The following PARPBP variants were observed in gnomAD, a reference collection of about 807,000 sequenced individuals.
PARPBP encodes PCNA-interacting partner.
In PARPBP, 52 loss-of-function variants were observed where a neutral mutation model predicts 50.0. That is an observed-to-expected ratio of 1.04 (90% CI 0.83 to 1.31). The LOEUF (loss-of-function observed/expected upper bound fraction) is 1.31, where lower values mean the gene tolerates loss of function less well. Among genes scored for constraint, PARPBP ranks in the 50% most tolerant of loss-of-function variants. The probability of loss-of-function intolerance (pLI) is 0.00; values close to 1 mark genes in which losing one functional copy is unlikely to be tolerated. For synonymous variants in PARPBP, 244 were observed against 232.1 expected (o/e 1.05, Z -0.47); for missense variants, 697 against 672.0 (o/e 1.04, Z -0.41).
At chr12:102,169,162 T>C (rs1052126573) in intron 6 of PARPBP, among the ~76,000 whole-genome samples, 1 of 152,180 alleles carries the variant, frequency 6.6e-6, no homozygotes, top group Non-Finnish European at 1.5e-5. Flanking sequence ...TGGTCACTTG[T>C]GATCTTCTAA....
chr12:102,180,161 A>G (rs1376677035), intron 8 of PARPBP, among the ~76,000 whole-genome samples: 2 of 152,218 alleles, frequency 1.3e-5, no homozygotes, highest in Non-Finnish European at 2.9e-5. Context: ...CAAATATTTT[A>G]TTAACGATAA....
intron 3 of PARPBP, among the ~76,000 whole-genome samples, chr12:102,149,998 C>T (rs563631445): frequency 6.6e-6 from 1 of 152,266 alleles, no homozygotes; most frequent in South Asian, 2.1e-4. Flanking sequence ...TACCTGAGGT[C>T]TTTGGGCGCA....
At chr12:102,128,315 T>A (rs777566447) in intron 2 of PARPBP, among the ~76,000 whole-genome samples, 14 of 152,202 alleles carry the variant, frequency 9.2e-5, no homozygotes, top group Middle Eastern at 3.4e-3. Flanking sequence ...CACTGCAAGC[T>A]CCCCCTCCCG....
chr12:102,134,068 C>T (rs559023869), intron 2 of PARPBP, among the ~76,000 whole-genome samples: 1 of 151,542 alleles, frequency 6.6e-6, no homozygotes, highest in East Asian at 1.9e-4. Flanking sequence ...AAAGAACACA[C>T]TAAGCCCAAA....
chr12:102,123,982 T>C lies in PARPBP; in HGVS notation c.94T>C (p.Cys32Arg). The C allele has an allele frequency of 1.3e-6, 2 of 1,534,124 alleles. No homozygotes were observed. Among genetic ancestry groups the C allele is most frequent in the Non-Finnish European group, 1.7e-6 (2 of 1,145,096 alleles). ...TTGTAACTCTGAGAGAACTACTCTA[T>C]GTGGTGCAGACTCCATGCTCTTGGC... The part of the protein sequence containing the change: ...ALCNSERTTL[C>R]GADSMLLALQ... The change falls in exon 2 of 11, where the codon TGT (cysteine) becomes CGT (arginine). Residue 32 changes from cysteine (C) to arginine (R), a missense_variant. Transcript: ENST00000327680.
intron 9 of PARPBP, among the ~76,000 whole-genome samples, chr12:102,192,621 T>G (rs1594639574): frequency 6.6e-6 from 1 of 152,264 alleles, no homozygotes; most frequent in African/African-American, 2.4e-5. Flanking sequence ...AATACTGGAC[T>G]TTGTTTATCC....
chr12:102,128,496 G>T (rs1201654625), intron 2 of PARPBP, among the ~76,000 whole-genome samples: 1 of 152,166 alleles, frequency 6.6e-6, no homozygotes, highest in Non-Finnish European at 1.5e-5. Context: ...CTCCCAAAGT[G>T]CTGGGATTAC....
chr12:102,131,573 A>G (rs569656688), intron 2 of PARPBP, among the ~76,000 whole-genome samples: 11 of 152,378 alleles, frequency 7.2e-5, no homozygotes, highest in African/African-American at 2.2e-4. Flanking sequence ...ACAGAAGCAA[A>G]GATTTGGAAT....
chr12:102,132,352 G>T (rs1272697583), intron 2 of PARPBP, among the ~76,000 whole-genome samples: 3 of 152,136 alleles, frequency 2.0e-5, no homozygotes, highest in Admixed American at 1.3e-4. Flanking sequence ...AGGGATAAGG[G>T]TCTAATTTCA....
At chr12:102,153,237 C>G (rs1886447826) in intron 3 of PARPBP, among the ~76,000 whole-genome samples, 1 of 152,216 alleles carries the variant, frequency 6.6e-6, no homozygotes, top group African/African-American at 2.4e-5. Flanking sequence ...AGCCTAGCCA[C>G]CCCTCACTCC....
At chr12:102,159,133 T>A (rs1887284480) in intron 4 of PARPBP, among the ~76,000 whole-genome samples, 3 of 152,180 alleles carry the variant, frequency 2.0e-5, no homozygotes, top group Admixed American at 2.0e-4. Context: ...GTCAGTGTAT[T>A]TCTTTTTTCC....
chr12:102,179,350 TG>T (rs1266005414), intron 8 of PARPBP, among the ~76,000 whole-genome samples: 34 of 152,252 alleles, frequency 2.2e-4, no homozygotes, highest in African/African-American at 8.0e-4. Flanking sequence ...ACCAAATTAA[TG>T]CTGGTATTAT....
Position 102,175,540 on chromosome 12 carries a change from C to T in PARPBP, c.879C>T (p.Asn293=), listed in dbSNP as rs1889174983. The stretch of plus-strand genomic sequence containing the variant: ...AGATGCAACTGATTAAAGGCCAAAA[C>T]AGCAGGGATCCTTTTTGCAAAGCAA... ...VIKMQLIKGQ[N]SRDPFCKAIE... Residue 293 remains asparagine, a synonymous_variant, in exon 7 of 11, where the codon AAC becomes AAT. Transcript: ENST00000327680. 5.0e-6 allele frequency: 8 copies of T among 1,613,478 alleles called. No homozygotes were observed. The highest frequency in any genetic ancestry group is 1.7e-5 in the Admixed American group (1 of 60,012).
chr12:102,147,950 C>T (rs755554647), intron 2 of PARPBP, among the ~76,000 whole-genome samples: 19 of 152,024 alleles, frequency 1.2e-4, no homozygotes, highest in South Asian at 8.3e-4. Context: ...AGAAATTTGA[C>T]GAATTTCAAG....
At chr12:102,153,079 G>A (rs1371856935) in intron 3 of PARPBP, among the ~76,000 whole-genome samples, 1 of 152,096 alleles carries the variant, frequency 6.6e-6, no homozygotes, top group African/African-American at 2.4e-5. Context: ...CACCGTTATT[G>A]TAGGTTGGCC....
chr12:102,127,497 A>C (rs1355345268), intron 2 of PARPBP, among the ~76,000 whole-genome samples: 3 of 152,172 alleles, frequency 2.0e-5, no homozygotes, highest in African/African-American at 7.2e-5. Context: ...TTATTAGAAA[A>C]GATTAAAAAA....
chr12:102,139,991 G>T lies in PARPBP; in HGVS notation c.154-8239G>T, dbSNP rs191833923. ...AGGCTTTGGTATCAGGATGATGCTG[G>T]CCTCATAAAATGAGTTAGGGATGAT... On this transcript the variant is annotated intron_variant, in intron 2 of 10. Coordinates refer to ENST00000327680, the MANE Select transcript of PARPBP (RefSeq NM_017915.5). 8.3e-4 allele frequency among the ~76,000 whole-genome samples: 127 copies of T among 152,284 alleles called. 2 individuals carry two copies. The highest frequency in any genetic ancestry group is 1.3e-3 in the Non-Finnish European group (86 of 68,022).
intron 2 of PARPBP, among the ~76,000 whole-genome samples, chr12:102,138,994 T>A (rs1018602743): frequency 2.6e-5 from 4 of 152,048 alleles, no homozygotes; most frequent in Non-Finnish European, 4.4e-5. Context: ...TCCATATGAA[T>A]TTTAAAGTAG....
intron 9 of PARPBP, among the ~76,000 whole-genome samples, chr12:102,192,917 G>GA (rs1361797397): frequency 2.0e-5 from 3 of 151,484 alleles, no homozygotes; most frequent in African/African-American, 4.9e-5. Flanking sequence ...TTTATGAAAA[G>GA]AAAAAATCTC....
Sources: gnomAD v4.1 joint callset for allele counts (sites outside exome capture counted in the v4.1 genomes callset) on GRCh38, gnomAD v4.1.1 for gene constraint, MANE v1.5 for transcripts, NCBI Gene and HGNC (gene_info 2026-07-23, HGNC 2026-07-21) for gene names.